SCAMP4: variants seen among roughly 807,000 people sequenced by gnomAD.
The protein encoded by SCAMP4 is secretory carrier membrane protein 4.
In SCAMP4, 19 loss-of-function variants were observed where a neutral mutation model predicts 32.1. The ratio of observed to expected loss-of-function variants is 0.59; its 90% CI spans 0.41 to 0.87. The LOEUF (loss-of-function observed/expected upper bound fraction) is 0.87. SCAMP4 is among the 40% of genes least tolerant of loss of function. The probability of loss-of-function intolerance (pLI) is 0.00; values close to 1 mark genes in which losing one functional copy is unlikely to be tolerated. For synonymous variants in SCAMP4, 152 were observed against 132.7 expected, an observed-to-expected ratio of 1.15 and a Z score of -1.00; for missense variants, 302 against 309.0, an observed-to-expected ratio of 0.98 and a Z score of 0.17.
intron 5 of SCAMP4, 46 bp downstream of exon 5, chr19:1,919,036 T>C (rs1216591567): frequency 6.4e-7 from 1 of 1,566,844 alleles, no homozygotes; most frequent in Non-Finnish European, 8.7e-7. Context: ...GTGGCTCAGC[T>C]GCCAGGTTGT....
rs762590606 is a variant in SCAMP4, at chr19:1,915,040, G to T, written c.7+14G>T. The T allele has an allele frequency of 3.7e-6, 6 of 1,613,812 alleles. No homozygotes were observed. In the Admixed American group the frequency reaches 5.0e-5, roughly 13 times the overall value. ...CAGAGATGTCAGGTGAGTCCTGCCTGCCTGGGAGCCTCCAGCAGCGTGGGC... is the reference window on the plus strand; with the variant it reads ...CAGAGATGTCAGGTGAGTCCTGCCTTCCTGGGAGCCTCCAGCAGCGTGGGC... On this transcript the variant is annotated intron_variant, in intron 2 of 6. Coordinates refer to ENST00000316097, the MANE Select transcript of SCAMP4 (RefSeq NM_079834.4).
chr19:1,921,079 C>T lies in SCAMP4; in HGVS notation c.396-1991C>T, dbSNP rs531214774. 50 of 985,434 alleles carry T rather than the reference C, an allele frequency of 5.1e-5. No homozygotes were observed. The South Asian group carries it at 2.0e-3, about 39-fold the overall frequency. The allele number at this position is 985,434 out of a possible 1,614,324, so 61.0% of individuals were successfully genotyped here. On this transcript the variant is annotated intron_variant, in intron 5 of 6. Coordinates refer to ENST00000316097, the MANE Select transcript of SCAMP4 (RefSeq NM_079834.4). ...CGGCCCCCCTTGTAATGAGAGAAAT[C>T]AAACCACAGCGCACAGCGACTTCAT...
intron 5 of SCAMP4, chr19:1,920,449 G>C (rs775783443): frequency 4.7e-5 from 29 of 614,922 alleles, no homozygotes; most frequent in Non-Finnish European, 5.7e-5. Flanking sequence ...TCCTGCACCT[G>C]CGCCTGGCGC....
At chr19:1,912,519 GCCCGGGCCC>G (rs1418429934) in intron 1 of SCAMP4, 1 of 1,496,736 alleles carries the variant, frequency 6.7e-7, no homozygotes, top group Non-Finnish European at 8.8e-7. Flanking sequence ...GTTCGAGGAG[GCCCGGGCCC>G]ACTGGCCCAC....
chr19:1,919,066 G>C (rs1469382048), intron 5 of SCAMP4, 76 bp downstream of exon 5: 7 of 1,553,254 alleles, frequency 4.5e-6, no homozygotes, highest in Non-Finnish European at 6.1e-6. Flanking sequence ...GGGAAGCCAG[G>C]CGGCCACCGG....
chr19:1,924,266 C>T lies in SCAMP4; in HGVS notation c.672C>T (p.Gly224=). The change falls in exon 7 of 7, where the codon GGC becomes GGT. Residue 224 remains glycine (G), a synonymous_variant. Transcript: ENST00000316097. ...PEYPTVPSYP[G]SGQWP ...ACCCCACTGTGCCCAGCTACCCGGG[C>T]AGTGGCCAGTGGCCTTAGAGGGAGC... The T allele has an allele frequency of 6.3e-7, 1 of 1,594,294 alleles. No individual in the cohort carries two copies. Among genetic ancestry groups the T allele is most frequent in the East Asian group, 2.3e-5 (1 of 43,828 alleles).
rs762581155 is a variant in SCAMP4 at position 1,925,181 on chromosome 19, T to G, written c.*897T>G. ...GGTGTGATCTCGGCTCACTGCAACC[T>G]CTGCCTCCCGTGTTCAAGCAGTTCT... On this transcript the variant is annotated 3_prime_UTR_variant, in exon 7 of 7. Transcript: ENST00000316097. The G allele has an allele frequency of 1.3e-5, 2 of 152,048 alleles. No homozygotes were observed. The highest frequency in any genetic ancestry group is 2.9e-5 in the Non-Finnish European group (2 of 68,068). 9.4% of individuals were successfully genotyped at this position (152,048 alleles called of 1,614,324 possible).
intron 1 of SCAMP4, chr19:1,913,426 A>T: frequency 3.5e-6 from 2 of 565,782 alleles, no homozygotes; most frequent in Non-Finnish European, 6.4e-6. Context: ...CTCTGATGGG[A>T]AAATAAACAG....
In SCAMP4 at chr19:1,923,914, C is replaced by T. The variant is rs550871394; in HGVS notation, c.514-194C>T. On this transcript the variant is annotated intron_variant, in intron 6 of 6. Coordinates refer to ENST00000316097, the MANE Select transcript of SCAMP4 (RefSeq NM_079834.4). ...TGCTGGGATGACAGGCGTGAGCCACCGTGCCCGGCCTATTTTTTATATTGT... is the reference window on the plus strand; with the variant it reads ...TGCTGGGATGACAGGCGTGAGCCACTGTGCCCGGCCTATTTTTTATATTGT... Among the ~76,000 whole-genome samples, 12 of 98,362 alleles carry T rather than the reference C, an allele frequency of 1.2e-4. 2 individuals carry two copies. Among genetic ancestry groups the T allele is most frequent in the African/African-American group, 3.1e-4 (12 of 38,194 alleles). The allele number at this position is 98,362 out of a possible 152,430, so 64.5% of individuals were successfully genotyped here. A position where few individuals can be genotyped will look rare whatever the true frequency, so the allele number is the denominator to read the frequency against.
At chr19:1,915,915 A>T (rs1447723140) in intron 2 of SCAMP4, among the ~76,000 whole-genome samples, 1 of 145,044 alleles carries the variant, frequency 6.9e-6, no homozygotes, top group Non-Finnish European at 1.5e-5. Context: ...ACTGCACTCC[A>T]GCCTGGGTGA....
chr19:1,914,928 C>T (rs2013678805), intron 1 of SCAMP4, 51 bp from the exon 2 acceptor site: 3 of 1,511,328 alleles, frequency 2.0e-6, no homozygotes, highest in African/African-American at 2.7e-5. Context: ...GTGGTTAGCG[C>T]TCTGCCCAGG....
Position 1,917,903 on chromosome 19 carries a change from C to T in SCAMP4, c.136+81C>T, listed in dbSNP as rs975983767. The stretch of plus-strand genomic sequence containing the variant: ...GGGAGTGGCATTCAGGCAGGGGCAG[C>T]CCGTCGGGGGCCCACCGTCTACTGA... On this transcript the variant is annotated intron_variant, in intron 3 of 6. Transcript: ENST00000316097. The T allele has an allele frequency of 1.0e-4, 161 of 1,567,010 alleles. No individual in the cohort carries two copies. The African/African-American group carries it at 1.8e-3, about 18-fold the overall frequency.
chr19:1,912,113 C>A, intron 1 of SCAMP4: 1 of 1,529,198 alleles, frequency 6.5e-7, no homozygotes, highest in South Asian at 1.2e-5. Flanking sequence ...CCGCCCCGGG[C>A]CTCGTGGAGC....
At position 1,915,231 on chromosome 19, in the gene SCAMP4, G is replaced by A. The variant is rs150540593; in HGVS notation, c.7+205G>A. The stretch of plus-strand genomic sequence containing the variant: ...GGACAGCAGAGCCGCCTGTGTATCC[G>A]CTCGGACGCCTCACTGACCCGAAGC... On this transcript the variant is annotated intron_variant, in intron 2 of 6. Transcript: ENST00000316097. Among the ~76,000 whole-genome samples the A allele has an allele frequency of 4.1e-3, 628 of 152,312 alleles. 7 individuals are homozygous for A. Among genetic ancestry groups the A allele is most frequent in the African/African-American group, 0.014 (591 of 41,562 alleles).
In SCAMP4 at chr19:1,908,164, G is replaced by A. The variant is rs190544907; in HGVS notation, c.-42+2725G>A. On this transcript the variant is annotated intron_variant, in intron 1 of 6. Transcript: ENST00000316097. The surrounding 1 kb of genome is among the most constrained non-coding windows in gnomAD (Gnocchi z 4.2). ...TGGTCGCGCGTGGTGTGCGTTTTGG[G>A]AGGGCCCAGCGAGTCGGCTGCTATG... is the stretch of plus-strand genomic sequence containing the variant. 30 of 264,712 alleles carry A rather than the reference G, an allele frequency of 1.1e-4. No homozygotes were observed. The highest frequency in any genetic ancestry group is 6.5e-4 in the African/African-American group (28 of 42,844). 16.4% of individuals were successfully genotyped at this position (264,712 alleles called of 1,614,324 possible). A position where few individuals can be genotyped will look rare whatever the true frequency, so the allele number is the denominator to read the frequency against.
rs199600249 is a variant in SCAMP4, at chr19:1,918,181, G to A, written c.191G>A (p.Gly64Asp). 1 of 1,612,814 alleles carries A rather than the reference G, an allele frequency of 6.2e-7. No homozygotes were observed. Among genetic ancestry groups the A allele is most frequent in the African/African-American group, 1.3e-5 (1 of 75,076 alleles). The change falls in exon 4 of 7, where the codon GGC becomes GAC. Residue 64 changes from glycine (G) to aspartate (D), a missense_variant. By Grantham distance (94) the Gly-to-Asp change is moderately conservative. Transcript: ENST00000316097. The part of the protein sequence containing the change: ...NLIACLAWWI[G>D]GGSGTNFGLA... The stretch of plus-strand genomic sequence containing the variant: ...ATTGCCTGCCTGGCCTGGTGGATCG[G>A]CGGAGGCTCGGGGACCAACTTCGGC...
intron 5 of SCAMP4, chr19:1,921,254 G>T: frequency 1.0e-6 from 1 of 985,382 alleles, no homozygotes; most frequent in African/African-American, 1.7e-5. Context: ...CGACAGCCCC[G>T]CTCTCCCTGC....
intron 5 of SCAMP4, chr19:1,921,283 C>G (rs1356593413): frequency 1.0e-6 from 1 of 985,302 alleles, no homozygotes; most frequent in African/African-American, 1.7e-5. Context: ...GCTTCACCAG[C>G]GTCACCTCCC....
chr19:1,920,958 G>A (rs1408212754), intron 5 of SCAMP4: 8 of 985,206 alleles, frequency 8.1e-6, no homozygotes, highest in Admixed American at 6.2e-5. Context: ...GTCATCTCCC[G>A]CAGGTCACGG....
Sources: gnomAD v4.1 joint callset for allele counts (sites outside exome capture counted in the v4.1 genomes callset) on GRCh38, gnomAD v4.1.1 for gene constraint, Gnocchi (gnomAD v3.1) non-coding constraint, MANE v1.5 for transcripts, NCBI Gene and HGNC (gene_info 2026-07-23, HGNC 2026-07-21) for gene names.